RELN: variants seen among roughly 807,000 people sequenced by gnomAD.
The protein encoded by RELN is reelin.
RELN carries 108 observed loss-of-function variants against 427.6 expected under a neutral mutation model. That is an observed-to-expected ratio of 0.25 (90% CI 0.22 to 0.30). The LOEUF is 0.30. RELN is among the 10% of genes least tolerant of loss of function. RELN has a pLI of 1.00. For missense variants in RELN, 3,715 were observed against 4,302.8 expected (o/e 0.86, Z 3.82); for synonymous variants, 1,524 against 1,513.4 (o/e 1.01, Z -0.16).
chr7:103,879,589 A>T (rs1490314998), intron 2 of RELN, among the ~76,000 whole-genome samples: 2 of 152,216 alleles, frequency 1.3e-5, no homozygotes, highest in African/African-American at 2.4e-5. Context: ...GCTTCCTGCA[A>T]CATGTGAATA....
intron 16 of RELN, among the ~76,000 whole-genome samples, chr7:103,644,737 A>C (rs971925570): frequency 6.6e-6 from 1 of 151,804 alleles, no homozygotes; most frequent in Non-Finnish European, 1.5e-5. Flanking sequence ...ACATCCCTAA[A>C]GACTTGCTAA....
At chr7:103,480,000 G>A (rs1251242156) in intron 63 of RELN, among the ~76,000 whole-genome samples, 1 of 152,152 alleles carries the variant, frequency 6.6e-6, no homozygotes, top group Non-Finnish European at 1.5e-5. Context: ...ATTCCTAAGT[G>A]AAATGTATGC....
At chr7:103,580,274 C>T (rs139359912) in intron 28 of RELN, among the ~76,000 whole-genome samples, 31 of 152,342 alleles carry the variant, frequency 2.0e-4, no homozygotes, top group African/African-American at 7.0e-4. Context: ...GCAACAACAG[C>T]TCATTTACTT....
At chr7:103,614,135 C>T (rs893548780) in intron 20 of RELN, among the ~76,000 whole-genome samples, 6 of 152,056 alleles carry the variant, frequency 3.9e-5, no homozygotes, top group African/African-American at 9.7e-5. Flanking sequence ...ATAAAAATTA[C>T]GTAAAATAAT....
At position 103,539,123 on chromosome 7, in the gene RELN, G is replaced by C; in HGVS notation, c.7135C>G (p.Gln2379Glu). ...GAGCAGGAGGCAGCGAAGTCTATCT[G>C]TAGGAAGGAATCCTCATTCACGGCA... is the stretch of plus-strand genomic sequence containing the variant. ...DVAVNEDSFL[Q>E]IDFAASCSVT... Residue 2379 changes from glutamine (Q) to glutamate (E), a missense_variant, in exon 45 of 65, where the codon CAG becomes GAG. Physicochemically the swap from Gln to Glu is conservative, Grantham distance 29. Transcript: ENST00000428762. 6.2e-7 allele frequency: 1 copy of C among 1,614,202 alleles called. No individual in the cohort carries two copies. The highest frequency in any genetic ancestry group is 1.7e-5 in the Admixed American group (1 of 60,030).
At chr7:103,687,340 G>C (rs907365218) in intron 10 of RELN, among the ~76,000 whole-genome samples, 4 of 152,136 alleles carry the variant, frequency 2.6e-5, no homozygotes, top group African/African-American at 9.7e-5. Flanking sequence ...CAGTGTGGGA[G>C]ACTGCAAGAT....
chr7:103,548,747 G>T (rs362772), intron 41 of RELN, among the ~76,000 whole-genome samples: 1 of 152,176 alleles, frequency 6.6e-6, no homozygotes. Flanking sequence ...CAAGTCTCTT[G>T]TTCAGATTTC....
intron 64 of RELN, among the ~76,000 whole-genome samples, chr7:103,477,998 AT>A (rs1828094948): frequency 6.6e-6 from 1 of 152,156 alleles, no homozygotes; most frequent in Admixed American, 6.6e-5. Context: ...GAGTCCCTAA[AT>A]CTTTTGCACA....
rs1392314983 is a variant in RELN, at chr7:103,611,635, G to A, written c.2871C>T (p.Gly957=). ...CTTCTTGGACGAGGTGCCAGGTAAG[G>A]CCGTGGTTGGTTGAGTACTCCAGCT... ...QVKLEYSTNH[G]LTWHLVQEEC... is the part of the protein sequence containing the mutation. Residue 957 remains glycine, a synonymous_variant, in exon 21 of 65, where the codon GGC becomes GGT. Coordinates refer to ENST00000428762, the MANE Select transcript of RELN (RefSeq NM_005045.4). The A allele has an allele frequency of 5.0e-6, 8 of 1,613,502 alleles. No homozygotes were observed. In the African/African-American group the frequency reaches 6.7e-5, roughly 13 times the overall value.
At chr7:103,611,266 A>C (rs1831947883) in intron 21 of RELN, among the ~76,000 whole-genome samples, 2 of 152,214 alleles carry the variant, frequency 1.3e-5, no homozygotes, top group South Asian at 4.1e-4. Context: ...TGGTCTACCT[A>C]TAGGTAGAGA....
chr7:103,877,636 G>C (rs1794510354), intron 2 of RELN, among the ~76,000 whole-genome samples: 1 of 151,800 alleles, frequency 6.6e-6, no homozygotes, highest in Admixed American at 6.6e-5. Context: ...CAACTTCCTT[G>C]CTAAAATATC....
In RELN at chr7:103,698,231, A is replaced by G. The variant is rs1834019284; in HGVS notation, c.903-138T>C. ...ACAGATAAAATAGCTACAATCTCATAGCCCTTAAATCTTTTAATATTTGCT... is the reference window on the plus strand; with the variant it reads ...ACAGATAAAATAGCTACAATCTCATGGCCCTTAAATCTTTTAATATTTGCT... On this transcript the variant is annotated intron_variant, in intron 9 of 64. Coordinates refer to ENST00000428762, the MANE Select transcript of RELN (RefSeq NM_005045.4). The G allele has an allele frequency of 2.8e-6, 3 of 1,079,492 alleles. No individual in the cohort carries two copies. The South Asian group carries it at 3.9e-5, about 14-fold the overall frequency. 66.9% of individuals were successfully genotyped at this position (1,079,492 alleles called of 1,614,324 possible).
intron 2 of RELN, among the ~76,000 whole-genome samples, chr7:103,905,396 G>A (rs529118490): frequency 6.6e-6 from 1 of 152,100 alleles, no homozygotes; most frequent in African/African-American, 2.4e-5. Context: ...AATTTCCCCA[G>A]GACCTCTTTT....
intron 2 of RELN, among the ~76,000 whole-genome samples, chr7:103,881,514 T>G (rs1368255873): frequency 6.6e-6 from 1 of 152,136 alleles, no homozygotes; most frequent in African/African-American, 2.4e-5. Flanking sequence ...TGCCCCTTTA[T>G]GTCATTGACC....
chr7:103,590,880 C>T (rs1011461404), intron 27 of RELN, among the ~76,000 whole-genome samples: 3 of 152,174 alleles, frequency 2.0e-5, no homozygotes, highest in Non-Finnish European at 4.4e-5. Flanking sequence ...AGCTTTCCTC[C>T]ACATTCTGTT....
At chr7:103,881,882 A>G (rs1197887542) in intron 2 of RELN, among the ~76,000 whole-genome samples, 1 of 152,172 alleles carries the variant, frequency 6.6e-6, no homozygotes, top group African/African-American at 2.4e-5. Context: ...AACACCCCCA[A>G]GCCCACTGGA....
chr7:103,610,705 G>T lies in RELN; in HGVS notation c.2998C>A (p.Gln1000Lys). The T allele has an allele frequency of 6.4e-7, 1 of 1,558,236 alleles. No individual in the cohort carries two copies. The change falls in exon 22 of 65, where the codon CAG (glutamine) becomes AAG (lysine). Residue 1000 changes from glutamine to lysine, a missense_variant. Physicochemically the swap from Gln to Lys is moderately conservative, Grantham distance 53. This residue lies in a region of RELN where 2,208 missense variants were observed against 2,361.7 expected (regional missense o/e 0.93). Coordinates refer to ENST00000428762, the MANE Select transcript of RELN (RefSeq NM_005045.4). ...AAGATGTCATCTCACCAAGTTTTCT[G>T]GGGAAGAAGCACTATGACTCTCCTC... ...QWRRVIVLLP[Q>K]KTWSSATRFR...
intron 10 of RELN, among the ~76,000 whole-genome samples, chr7:103,696,135 T>C (rs1479221584): frequency 6.6e-6 from 1 of 152,170 alleles, no homozygotes; most frequent in Non-Finnish European, 1.5e-5. Flanking sequence ...TTCTACTTGC[T>C]ACTTTTCTTG....
intron 1 of RELN, among the ~76,000 whole-genome samples, chr7:103,936,927 T>C (rs575902114): frequency 6.6e-6 from 1 of 152,348 alleles, no homozygotes; most frequent in South Asian, 2.1e-4. Context: ...TAGCATAAGA[T>C]ACTTCTAGAT....
Sources: allele counts gnomAD v4.1 joint callset (sites outside exome capture counted in the v4.1 genomes callset), GRCh38; gene constraint gnomAD v4.1.1; regional missense constraint gnomAD v4.1.1; transcripts MANE v1.5; gene names NCBI Gene and HGNC (gene_info 2026-07-23, HGNC 2026-07-21).